The following CSMD1 variants were observed in gnomAD, a reference collection of about 807,000 sequenced individuals.
The protein encoded by CSMD1 is CUB and sushi domain-containing protein 1.
A neutral mutation model predicts 417.5 loss-of-function variants in CSMD1; 213 were observed. The observed-to-expected ratio is 0.51, with a 90% confidence interval of 0.46 to 0.57. The LOEUF is 0.57. Among genes scored for constraint, CSMD1 ranks in the 20% least tolerant of loss-of-function variants. The pLI is 0.00. For synonymous variants in CSMD1, 2,862 were observed against 1,736.8 expected (o/e 1.65, Z -16.11); for missense variants, 6,923 against 4,529.7 (o/e 1.53, Z -15.17).
intron 34 of CSMD1, 48 bp from the exon 35 acceptor site, chr8:3,189,059 G>T (rs763944968): frequency 1.2e-5 from 19 of 1,563,558 alleles, no homozygotes; most frequent in Non-Finnish European, 1.5e-5. Flanking sequence ...GTGGGACAGT[G>T]TTGATTTGGC....
chr8:4,304,219 C>A (rs1012187390), intron 3 of CSMD1, among the ~76,000 whole-genome samples: 8 of 152,054 alleles, frequency 5.3e-5, no homozygotes, highest in Non-Finnish European at 8.8e-5. Flanking sequence ...AGATTTAAAG[C>A]TGTTTTATTC....
chr8:3,277,465 T>G (rs1279063694), intron 26 of CSMD1, among the ~76,000 whole-genome samples: 1 of 152,106 alleles, frequency 6.6e-6, no homozygotes, highest in Non-Finnish European at 1.5e-5. Flanking sequence ...GAGAATTGGA[T>G]TTTGGATCTA....
At chr8:4,609,583 A>C (rs1185578999) in intron 2 of CSMD1, among the ~76,000 whole-genome samples, 2 of 152,220 alleles carry the variant, frequency 1.3e-5, no homozygotes, top group African/African-American at 4.8e-5. Context: ...ATAAACAGCC[A>C]CTGCCATCAC....
intron 25 of CSMD1, among the ~76,000 whole-genome samples, chr8:3,286,042 G>A (rs1302114498): frequency 2.6e-5 from 4 of 152,024 alleles, no homozygotes; most frequent in African/African-American, 9.7e-5. Flanking sequence ...TGTTCTCACT[G>A]TTCAACTCCC....
At chr8:4,770,976 G>T (rs752448224) in intron 1 of CSMD1, among the ~76,000 whole-genome samples, 2 of 152,084 alleles carry the variant, frequency 1.3e-5, no homozygotes, top group Non-Finnish European at 2.9e-5. Context: ...ACACTAAAAA[G>T]CTTCTGCACA....
chr8:3,108,847 AT>A, intron 43 of CSMD1, 99 bp from the exon 44 acceptor site: 1 of 1,165,480 alleles, frequency 8.6e-7, no homozygotes, highest in South Asian at 1.6e-5. Flanking sequence ...AATAAAAGCA[AT>A]AAAACATATG....
chr8:3,789,222 G>A (rs1034217973), intron 5 of CSMD1, among the ~76,000 whole-genome samples: 1 of 152,016 alleles, frequency 6.6e-6, no homozygotes, highest in Non-Finnish European at 1.5e-5. Flanking sequence ...AAGATAGTGG[G>A]CCCTCACCAG....
chr8:4,043,626 G>T (rs1051259454), intron 3 of CSMD1, among the ~76,000 whole-genome samples: 1 of 152,152 alleles, frequency 6.6e-6, no homozygotes, highest in Admixed American at 6.5e-5. Flanking sequence ...TTCAAAAGAC[G>T]AAATGCATTT....
intron 3 of CSMD1, among the ~76,000 whole-genome samples, chr8:4,178,038 C>A (rs984653444): frequency 3.3e-5 from 5 of 152,230 alleles, no homozygotes; most frequent in African/African-American, 4.8e-5. Flanking sequence ...TGAAACTATT[C>A]CAATAAATAG....
At chr8:4,364,000 CTG>C (rs1303978736) in intron 3 of CSMD1, among the ~76,000 whole-genome samples, 1 of 152,126 alleles carries the variant, frequency 6.6e-6, no homozygotes, top group African/African-American at 2.4e-5. Context: ...GGTTGACTGA[CTG>C]TAGTCAATAA....
chr8:3,875,240 G>C (rs1267903824), intron 5 of CSMD1, among the ~76,000 whole-genome samples: 1 of 152,150 alleles, frequency 6.6e-6, no homozygotes, highest in African/African-American at 2.4e-5. Flanking sequence ...CTCATGATTT[G>C]AATTGAGACC....
At chr8:4,062,749 G>C (rs6990745) in intron 3 of CSMD1, among the ~76,000 whole-genome samples, 83,955 of 150,824 alleles carry the variant, frequency 0.56, 23,913 homozygotes, top group Admixed American at 0.66. Context: ...AAAAAAAAAG[G>C]CAGGTTCTGC....
chr8:4,145,691 A>T lies in CSMD1; in HGVS notation c.416-113592T>A, dbSNP rs562435680. On this transcript the variant is annotated intron_variant, in intron 3 of 69. Coordinates refer to ENST00000635120, the MANE Select transcript of CSMD1 (RefSeq NM_033225.6). ...GCCTCACAACACCACACCTGGCCAC[A>T]TTCCGCATTTCTTAATGAAGAACAT... is the stretch of plus-strand genomic sequence containing the variant. 4.2e-4 allele frequency among the ~76,000 whole-genome samples: 63 copies of T among 150,940 alleles called. 1 individual carries two copies. Among genetic ancestry groups the T allele is most frequent in the Non-Finnish European group, 1.6e-4 (11 of 68,020 alleles).
intron 3 of CSMD1, among the ~76,000 whole-genome samples, chr8:4,229,139 C>T (rs560884983): frequency 6.6e-6 from 1 of 152,340 alleles, no homozygotes; most frequent in South Asian, 2.1e-4. Context: ...TAGAGAATAA[C>T]TCCCTTTTTC....
At chr8:3,729,216 C>T (rs1802674213) in intron 6 of CSMD1, among the ~76,000 whole-genome samples, 1 of 152,100 alleles carries the variant, frequency 6.6e-6, no homozygotes, top group African/African-American at 2.4e-5. Flanking sequence ...AAAAAGACCT[C>T]AGGTCAGGCA....
At chr8:3,531,767 G>T (rs1423806450) in intron 10 of CSMD1, among the ~76,000 whole-genome samples, 1 of 152,244 alleles carries the variant, frequency 6.6e-6, no homozygotes, top group African/African-American at 2.4e-5. Context: ...CAGCCTGGAA[G>T]ATCGGGCTGC....
chr8:3,926,014 T>TACACACAC (rs10635075), intron 5 of CSMD1, among the ~76,000 whole-genome samples: 1,498 of 123,396 alleles, frequency 0.012, 23 homozygotes, highest in East Asian at 0.027. Context: ...TATTTGTCTA[T>TACACACAC]ACACACACAC....
chr8:3,749,729 G>GTT (rs753922630), intron 6 of CSMD1, among the ~76,000 whole-genome samples: 3 of 151,262 alleles, frequency 2.0e-5, no homozygotes, highest in African/African-American at 7.3e-5. Flanking sequence ...TACGGTTTAT[G>GTT]TTTTTTTTTC....
At chr8:3,944,165 T>C (rs1038333872) in intron 5 of CSMD1, among the ~76,000 whole-genome samples, 1 of 152,124 alleles carries the variant, frequency 6.6e-6, no homozygotes, top group African/African-American at 2.4e-5. Flanking sequence ...TTTTTACTGT[T>C]TATGCAACAC....
Sources: gnomAD v4.1 joint callset for allele counts (sites outside exome capture counted in the v4.1 genomes callset) on GRCh38, gnomAD v4.1.1 for gene constraint, MANE v1.5 for transcripts, NCBI Gene and HGNC (gene_info 2026-07-23, HGNC 2026-07-21) for gene names.